Variants in RAD50 observed in about 807,000 individuals in gnomAD.
RAD50 encodes the protein DNA repair protein RAD50.
Under a neutral mutation model 168.8 loss-of-function variants are expected in RAD50, and 132 were observed. The ratio of observed to expected loss-of-function variants is 0.78; its 90% CI spans 0.68 to 0.90. The LOEUF (loss-of-function observed/expected upper bound fraction) is 0.90, where lower values mean the gene tolerates loss of function less well. RAD50 is among the 40% of genes least tolerant of loss of function. The probability of loss-of-function intolerance (pLI) is 0.00; values close to 1 mark genes in which losing one functional copy is unlikely to be tolerated. For synonymous variants in RAD50, 525 were observed against 497.4 expected (o/e 1.06, Z -0.74); for missense variants, 1,347 against 1,534.4 (o/e 0.88, Z 2.04).
chr5:132,565,088 A>G (rs1004479466), intron 2 of RAD50, among the ~76,000 whole-genome samples: 1 of 152,044 alleles, frequency 6.6e-6, no homozygotes. Flanking sequence ...GTAAATTCTC[A>G]TGAGATCTGG....
At chr5:132,560,475 C>T (rs1269082451) in intron 2 of RAD50, among the ~76,000 whole-genome samples, 1 of 152,180 alleles carries the variant, frequency 6.6e-6, no homozygotes, top group Non-Finnish European at 1.5e-5. Flanking sequence ...CTGTTTCCCA[C>T]CTTCTCTCTC....
At chr5:132,616,198 T>C (rs776865751) in intron 20 of RAD50, 68 bp downstream of exon 20, 32 of 1,509,178 alleles carry the variant, frequency 2.1e-5, no homozygotes, top group Non-Finnish European at 2.9e-5. Flanking sequence ...GAATATTAAA[T>C]ACCTGTTTTA....
chr5:132,595,505 A>G (rs1372055230), intron 12 of RAD50, 68 bp from the exon 13 acceptor site: 35 of 993,318 alleles, frequency 3.5e-5, no homozygotes, highest in Non-Finnish European at 4.1e-5. Flanking sequence ...AAAAGATACA[A>G]CCGTATTCAG....
chr5:132,621,619 T>A (rs1751287706), intron 21 of RAD50, among the ~76,000 whole-genome samples: 1 of 152,234 alleles, frequency 6.6e-6, no homozygotes, highest in South Asian at 2.1e-4. Flanking sequence ...TTCCCCTTAA[T>A]TTGATAGTTT....
In RAD50 at chr5:132,616,105, C is replaced by A; in HGVS notation, c.3139C>A (p.Gln1047Lys). 1.9e-6 allele frequency: 3 copies of A among 1,612,926 alleles called. No homozygotes were observed. The South Asian group carries it at 3.3e-5, about 18-fold the overall frequency. Residue 1047 changes from glutamine (Q) to lysine (K), a missense_variant, in exon 20 of 25, where the codon CAA becomes AAA. By Grantham distance (53) the Gln-to-Lys change is moderately conservative. Transcript: ENST00000378823. ...ERKQHLKEMG[Q>K]MQVLQMKSEH... ...AAAACAACATTTGAAGGAAATGGGT[C>A]AAATGCAGGTTTTGCAAATGAAAAG...
At chr5:132,573,804 C>T (rs1290138994) in intron 2 of RAD50, among the ~76,000 whole-genome samples, 4 of 152,208 alleles carry the variant, frequency 2.6e-5, no homozygotes, top group Admixed American at 1.3e-4. Flanking sequence ...AAAGGGGCTA[C>T]AGGCCCCGTG....
intron 5 of RAD50, among the ~76,000 whole-genome samples, chr5:132,584,126 A>G (rs960450830): frequency 6.6e-6 from 1 of 152,104 alleles, no homozygotes; most frequent in Non-Finnish European, 1.5e-5. Context: ...AGTCCCTCCA[A>G]CAGTGTAAAA....
In RAD50 at chr5:132,595,775, G is replaced by C; in HGVS notation, c.2172G>C (p.Lys724Asn). Residue 724 changes from lysine to asparagine, a missense_variant, in exon 13 of 25, where the codon AAG becomes AAC. Lys to Asn is a moderately conservative substitution (Grantham distance 94). Transcript: ENST00000378823. ...AATCAGAGCTAAAAAAAAAGGAAAA[G>C]CGGCGTGATGAAATGCTGGGACTTG... The part of the protein sequence containing the change: ...STESELKKKE[K>N]RRDEMLGLVP... 6.2e-7 allele frequency: 1 copy of C among 1,612,764 alleles called. No individual in the cohort carries two copies. The highest frequency in any genetic ancestry group is 1.1e-5 in the South Asian group (1 of 91,060).
intron 11 of RAD50, chr5:132,593,310 T>C (rs1750737105): frequency 6.4e-6 from 1 of 155,822 alleles, no homozygotes; most frequent in Non-Finnish European, 1.4e-5. Flanking sequence ...TAGATCCTAT[T>C]CAGACATGTT....
At chr5:132,616,507 T>G (rs1751180648) in intron 20 of RAD50, among the ~76,000 whole-genome samples, 1 of 152,168 alleles carries the variant, frequency 6.6e-6, no homozygotes, top group South Asian at 2.1e-4. Flanking sequence ...GTTGCCAGAG[T>G]GATTTATCCA....
intron 11 of RAD50, 118 bp downstream of exon 11, chr5:132,592,152 TTACA>T: frequency 8.9e-7 from 1 of 1,127,844 alleles, no homozygotes; most frequent in Non-Finnish European, 1.3e-6. Context: ...ACTTTAGTTC[TTACA>T]TACAAGGAGA....
intron 15 of RAD50, 98 bp downstream of exon 15, chr5:132,604,144 G>A (rs1289937732): frequency 7.0e-7 from 1 of 1,428,416 alleles, no homozygotes; most frequent in African/African-American, 1.4e-5. Flanking sequence ...GGACAACGAA[G>A]TTCCTTCCTG....
At chr5:132,593,218 C>G (rs552236972) in intron 11 of RAD50, 2 of 179,618 alleles carry the variant, frequency 1.1e-5, no homozygotes, top group East Asian at 2.6e-4. Flanking sequence ...CACACTTCAC[C>G]ATAAATTTGA....
At chr5:132,614,032 A>G (rs1369033694) in intron 19 of RAD50, among the ~76,000 whole-genome samples, 1 of 152,204 alleles carries the variant, frequency 6.6e-6, no homozygotes, top group Non-Finnish European at 1.5e-5. Context: ...GCCTAGATGT[A>G]TCTGACTTCA....
At chr5:132,589,494 T>C in intron 8 of RAD50, 137 bp from the exon 9 acceptor site, 1 of 664,504 alleles carries the variant, frequency 1.5e-6, no homozygotes, top group Non-Finnish European at 2.5e-6. Flanking sequence ...GATGCATTTC[T>C]TGGAATATAT....
chr5:132,640,093 TC>T (rs1417703337), intron 23 of RAD50, among the ~76,000 whole-genome samples: 1 of 152,302 alleles, frequency 6.6e-6, no homozygotes, highest in African/African-American at 2.4e-5. Context: ...GCCTAACAGT[TC>T]CAGTTACTTG....
chr5:132,618,247 A>G lies in RAD50; in HGVS notation c.3342A>G (p.Thr1114=), dbSNP rs776513888. 9.3e-6 allele frequency: 15 copies of G among 1,614,066 alleles called. No homozygotes were observed. In the Admixed American group the frequency reaches 2.5e-4, roughly 27 times the overall value. Reference sequence around the variant, plus strand: ...AAATGATGATTGTTATGAGGACAACAGAACTTGTGAACAAGGATCTGGATA... The same window carrying G: ...AAATGATGATTGTTATGAGGACAACGGAACTTGTGAACAAGGATCTGGATA... The part of the protein sequence containing the change: ...YREMMIVMRT[T]ELVNKDLDIY... The change falls in exon 21 of 25, where the codon ACA becomes ACG. Residue 1114 remains threonine, a synonymous_variant. Coordinates refer to ENST00000378823, the MANE Select transcript of RAD50 (RefSeq NM_005732.4).
chr5:132,580,528 A>G (rs923511618), intron 5 of RAD50, among the ~76,000 whole-genome samples: 1 of 152,222 alleles, frequency 6.6e-6, no homozygotes, highest in Non-Finnish European at 1.5e-5. Context: ...ACAGTTCTGT[A>G]TTAATATTTT....
Position 132,588,781 on chromosome 5 carries a change from C to T in RAD50, c.1146C>T (p.Gly382=), listed in dbSNP as rs1750643673. The T allele has an allele frequency of 1.2e-6, 2 of 1,613,814 alleles. No homozygotes were observed. Among genetic ancestry groups the T allele is most frequent in the East Asian group, 2.2e-5 (1 of 44,876 alleles). ...QSLATQLELD[G]FERGPFSERQ... ...TGGCAACACAGCTAGAATTGGATGG[C>T]TTTGAGCGTGGACCATTCAGTGAAA... The change falls in exon 8 of 25, where the codon GGC becomes GGT. Residue 382 remains glycine (G), a synonymous_variant. Coordinates refer to ENST00000378823, the MANE Select transcript of RAD50 (RefSeq NM_005732.4).
Sources: gnomAD v4.1 joint callset for allele counts (sites outside exome capture counted in the v4.1 genomes callset) on GRCh38, gnomAD v4.1.1 for gene constraint, MANE v1.5 for transcripts, NCBI Gene and HGNC (gene_info 2026-07-23, HGNC 2026-07-21) for gene names.